The following HUNK variants were observed in gnomAD, a reference collection of about 807,000 sequenced individuals.
HUNK encodes the protein hormonally up-regulated neu tumor-associated kinase.
HUNK carries 21 observed loss-of-function variants against 61.0 expected under a neutral mutation model. That is an observed-to-expected ratio of 0.34 (90% CI 0.24 to 0.50). The LOEUF is 0.50. Ranked by LOEUF, HUNK falls within the 20% of genes least tolerant of loss-of-function variation. The probability of loss-of-function intolerance (pLI) is 0.98; values close to 1 mark genes in which losing one functional copy is unlikely to be tolerated. For missense variants in HUNK, 772 were observed against 945.7 expected (o/e 0.82, Z 2.41); for synonymous variants, 371 against 386.1 (o/e 0.96, Z 0.46).
chr21:31,936,942 G>A (rs1193727321), intron 2 of HUNK, among the ~76,000 whole-genome samples: 1 of 152,064 alleles, frequency 6.6e-6, no homozygotes, highest in East Asian at 1.9e-4. Context: ...TGCCTTAGAG[G>A]GGCTTCCATT....
chr21:31,992,358 T>G (rs2053177189), intron 9 of HUNK, among the ~76,000 whole-genome samples: 3 of 152,228 alleles, frequency 2.0e-5, no homozygotes, highest in Non-Finnish European at 4.4e-5. Flanking sequence ...GGTAAATGAT[T>G]GTTCATGGGG....
intron 1 of HUNK, among the ~76,000 whole-genome samples, chr21:31,916,096 G>A (rs2052580570): frequency 7.7e-6 from 1 of 130,556 alleles, no homozygotes; most frequent in Admixed American, 9.7e-5. Context: ...TGTCGCCCAG[G>A]CTGGAGTGCA....
chr21:31,999,177 A>G lies in HUNK; in HGVS notation c.2138A>G (p.Gln713Arg), dbSNP rs2053228998. 1.3e-6 allele frequency: 2 copies of G among 1,597,710 alleles called. No homozygotes were observed. Among genetic ancestry groups the G allele is most frequent in the Non-Finnish European group, 1.7e-6 (2 of 1,172,416 alleles). The change falls in exon 11 of 11, where the codon CAG becomes CGG. Residue 713 changes from glutamine (Q) to arginine (R), a missense_variant. This residue lies in a region of HUNK where 413 missense variants were observed against 444.4 expected (regional missense o/e 0.93). Transcript: ENST00000270112. ...GACATGGCCGATGGGGTCAAGACCC[A>G]GTGCTAACTTGGGCCAGCGGGGTTT... is the stretch of plus-strand genomic sequence containing the variant. ...AFDMADGVKT[Q>R]C is the part of the protein sequence containing the mutation.
At chr21:31,980,844 A>G (rs1259050379) in intron 7 of HUNK, among the ~76,000 whole-genome samples, 1 of 152,248 alleles carries the variant, frequency 6.6e-6, no homozygotes. Flanking sequence ...AGCTGTGATT[A>G]TAGGCATGCG....
chr21:31,921,213 T>C (rs1204612744), intron 1 of HUNK, among the ~76,000 whole-genome samples: 2 of 128,866 alleles, frequency 1.6e-5, no homozygotes, highest in African/African-American at 2.9e-5. Context: ...GAGGAGATAA[T>C]ACATTATGCT....
rs2053235938 is a variant in HUNK at position 32,000,046 on chromosome 21, C to T, written c.*862C>T. The T allele has an allele frequency of 2.5e-6, 1 of 397,194 alleles. No homozygotes were observed. The highest frequency in any genetic ancestry group is 4.4e-5 in the Admixed American group (1 of 22,620). 24.6% of individuals were successfully genotyped at this position (397,194 alleles called of 1,614,324 possible). A position where few individuals can be genotyped will look rare whatever the true frequency, so the allele number is the denominator to read the frequency against. On this transcript the variant is annotated 3_prime_UTR_variant, in exon 11 of 11. Transcript: ENST00000270112. ...TGAGTGCTGTGGCCCACAGGCAGGG[C>T]AAGTCTCGGTGGCCCTGTGTTCATC...
At chr21:31,945,037 C>T (rs1167659820) in intron 3 of HUNK, among the ~76,000 whole-genome samples, 1 of 150,906 alleles carries the variant, frequency 6.6e-6, no homozygotes, top group Admixed American at 6.6e-5. Context: ...TAAATACTGC[C>T]GATTGAGAAA....
intron 1 of HUNK, among the ~76,000 whole-genome samples, chr21:31,918,481 C>A (rs995729584): frequency 4.6e-5 from 7 of 152,142 alleles, no homozygotes; most frequent in African/African-American, 1.7e-4. Flanking sequence ...GAAAGTGATT[C>A]CCTCACAGTC....
At chr21:31,934,652 C>T (rs545871160) in intron 2 of HUNK, among the ~76,000 whole-genome samples, 6 of 152,244 alleles carry the variant, frequency 3.9e-5, no homozygotes, top group South Asian at 2.1e-4. Flanking sequence ...AACCCTCGTC[C>T]TCCTCTTTCC....
chr21:31,875,334 T>C (rs1353592759), intron 1 of HUNK, among the ~76,000 whole-genome samples: 1 of 152,212 alleles, frequency 6.6e-6, no homozygotes. Flanking sequence ...AATGCAGGTC[T>C]CCGTCACCCT....
At chr21:31,996,452 T>C (rs2053206646) in intron 10 of HUNK, among the ~76,000 whole-genome samples, 1 of 152,114 alleles carries the variant, frequency 6.6e-6, no homozygotes. Context: ...AGCTGTTGGG[T>C]AGATGAGATG....
rs190255942 is a variant in HUNK, at chr21:31,979,706, A to G, written c.1174-3820A>G. On this transcript the variant is annotated intron_variant, in intron 7 of 10. Coordinates refer to ENST00000270112, the MANE Select transcript of HUNK (RefSeq NM_014586.2). The stretch of plus-strand genomic sequence containing the variant: ...AATTTTTTGTATTTTTAGTAGAGAC[A>G]GGGTTTCACCGTGTTAGCCAGGATG... Among the ~76,000 whole-genome samples the G allele has an allele frequency of 1.8e-3, 260 of 147,432 alleles. No individual in the cohort carries two copies. The Middle Eastern group carries it at 0.027, about 15-fold the overall frequency.
At chr21:31,923,876 C>A (rs890397047) in intron 1 of HUNK, among the ~76,000 whole-genome samples, 4 of 152,066 alleles carry the variant, frequency 2.6e-5, no homozygotes, top group South Asian at 4.1e-4. Flanking sequence ...CCCTAGGAGG[C>A]AATTCATCAA....
At chr21:31,949,443 T>C (rs2123834175) in intron 4 of HUNK, among the ~76,000 whole-genome samples, 1 of 152,306 alleles carries the variant, frequency 6.6e-6, no homozygotes, top group East Asian at 1.9e-4. Flanking sequence ...CTCAAAGGTG[T>C]CTGGCACACT....
At chr21:31,992,318 A>G (rs1046781022) in intron 9 of HUNK, among the ~76,000 whole-genome samples, 2 of 152,204 alleles carry the variant, frequency 1.3e-5, no homozygotes, top group Admixed American at 6.5e-5. Flanking sequence ...CGTCTCCTCC[A>G]CAGGACAATA....
chr21:31,979,576 C>T (rs1184439265), intron 7 of HUNK, among the ~76,000 whole-genome samples: 5 of 124,016 alleles, frequency 4.0e-5, no homozygotes, highest in Non-Finnish European at 4.7e-5. Flanking sequence ...CCCAGGCTGG[C>T]GTGATCTCAG....
intron 2 of HUNK, among the ~76,000 whole-genome samples, chr21:31,926,210 G>A (rs542392973): frequency 2.0e-5 from 3 of 152,264 alleles, no homozygotes; most frequent in East Asian, 3.9e-4. Context: ...GAGCCACCAC[G>A]CCCGGCATAG....
intron 7 of HUNK, among the ~76,000 whole-genome samples, chr21:31,979,773 C>T (rs1292316855): frequency 6.6e-6 from 1 of 152,048 alleles, no homozygotes; most frequent in Non-Finnish European, 1.5e-5. Context: ...CCTTGGCCTC[C>T]CAAAGTGCTG....
At chr21:31,898,102 C>G (rs80099389) in intron 1 of HUNK, among the ~76,000 whole-genome samples, 2,282 of 152,232 alleles carry the variant, frequency 0.015, 64 homozygotes, top group African/African-American at 0.052. Context: ...GCAAGACCCC[C>G]CGCTGGTCTG....
Sources: gnomAD v4.1 joint callset for allele counts (sites outside exome capture counted in the v4.1 genomes callset) on GRCh38, gnomAD v4.1.1 for gene constraint, gnomAD v4.1.1 regional missense constraint, MANE v1.5 for transcripts, NCBI Gene and HGNC (gene_info 2026-07-23, HGNC 2026-07-21) for gene names.